ASTN2: variants seen among roughly 807,000 people sequenced by gnomAD.
ASTN2 encodes astrotactin 2.
Under a neutral mutation model 139.8 loss-of-function variants are expected in ASTN2, and 54 were observed. That is an observed-to-expected ratio of 0.39 (90% CI 0.31 to 0.48). The LOEUF (loss-of-function observed/expected upper bound fraction) is 0.48. Among genes scored for constraint, ASTN2 ranks in the 20% least tolerant of loss-of-function variants. The pLI is 0.95. For missense variants in ASTN2, 1,565 were observed against 1,725.1 expected (o/e 0.91, Z 1.64); for synonymous variants, 756 against 719.5 (o/e 1.05, Z -0.81).
At position 116,560,975 on chromosome 9, in the gene ASTN2, T is replaced by C. The variant is rs546369202; in HGVS notation, c.3355+57349A>G. Among the ~76,000 whole-genome samples the C allele has an allele frequency of 7.2e-5, 11 of 152,310 alleles. No individual in the cohort carries two copies. In the South Asian group the frequency reaches 2.3e-3, roughly 32 times the overall value. ...ACAAAGAAAAATGTACATGTGTTGT[T>C]ATGCTAGGATGGGGTAGACATAGAG... On this transcript the variant is annotated intron_variant, in intron 19 of 22. Transcript: ENST00000313400.
At chr9:117,278,476 A>T (rs1243386621) in intron 2 of ASTN2, among the ~76,000 whole-genome samples, 2 of 152,200 alleles carry the variant, frequency 1.3e-5, no homozygotes, top group African/African-American at 4.8e-5. Context: ...AGCACAAAGG[A>T]GGTGAGCAGA....
chr9:117,226,452 C>T (rs904479825), intron 2 of ASTN2, among the ~76,000 whole-genome samples: 2 of 152,092 alleles, frequency 1.3e-5, no homozygotes, highest in African/African-American at 4.8e-5. Context: ...AGTCAATGCT[C>T]AACAAAAGAT....
Position 117,017,025 on chromosome 9 carries a change from T to C in ASTN2, c.1424-8766A>G, listed in dbSNP as rs577996929. Among the ~76,000 whole-genome samples the C allele has an allele frequency of 8.6e-5, 13 of 151,850 alleles. No individual in the cohort carries two copies. The East Asian group carries it at 2.5e-3, about 30-fold the overall frequency. On this transcript the variant is annotated intron_variant, in intron 6 of 22. Transcript: ENST00000313400. ...TGCCTTTATGTATCTACGGTCTTGC[T>C]TCAAAGTTGAGTTAGGGGTGTTTGA... is the stretch of plus-strand genomic sequence containing the variant.
At chr9:117,306,875 G>A (rs1587932115) in intron 1 of ASTN2, among the ~76,000 whole-genome samples, 1 of 152,094 alleles carries the variant, frequency 6.6e-6, no homozygotes, top group Non-Finnish European at 1.5e-5. Context: ...TATCTACTAT[G>A]TGATGTGAAA....
At chr9:117,403,578 T>C (rs766707484) in intron 1 of ASTN2, among the ~76,000 whole-genome samples, 2 of 149,086 alleles carry the variant, frequency 1.3e-5, no homozygotes, top group Non-Finnish European at 3.0e-5. Context: ...ACCACTGAAA[T>C]GATTCCCCCA....
At chr9:116,924,709 C>A (rs2132441571) in intron 10 of ASTN2, among the ~76,000 whole-genome samples, 1 of 152,192 alleles carries the variant, frequency 6.6e-6, no homozygotes, top group Admixed American at 6.5e-5. Context: ...TTATAATTAG[C>A]ATATAATGAG....
At position 116,793,350 on chromosome 9, in the gene ASTN2, G is replaced by C. The variant is rs535341848; in HGVS notation, c.2396+12282C>G. Among the ~76,000 whole-genome samples the C allele has an allele frequency of 3.3e-5, 5 of 152,294 alleles. No individual in the cohort carries two copies. The South Asian group carries it at 1.0e-3, about 32-fold the overall frequency. Reference sequence around the variant, plus strand: ...CAATCATTCAACACATATTCAGCAGGAACGGGGGACACAGCAATGAACAAC... The same window carrying C: ...CAATCATTCAACACATATTCAGCAGCAACGGGGGACACAGCAATGAACAAC... On this transcript the variant is annotated intron_variant, in intron 13 of 22. Transcript: ENST00000313400.
At chr9:117,336,840 C>G (rs746225156) in intron 1 of ASTN2, among the ~76,000 whole-genome samples, 1 of 152,144 alleles carries the variant, frequency 6.6e-6, no homozygotes, top group African/African-American at 2.4e-5. Context: ...AGGTCCAGCA[C>G]TCTCCCAGAA....
At chr9:116,716,502 T>C (rs1334223740) in intron 16 of ASTN2, among the ~76,000 whole-genome samples, 3 of 152,130 alleles carry the variant, frequency 2.0e-5, no homozygotes, top group East Asian at 1.9e-4. Context: ...ATCTTTCCCA[T>C]CTGTAGAATG....
chr9:116,509,310 C>T (rs1017435517), intron 19 of ASTN2, among the ~76,000 whole-genome samples: 5 of 152,284 alleles, frequency 3.3e-5, no homozygotes, highest in African/African-American at 1.2e-4. Flanking sequence ...TTTATAGCTT[C>T]ATCCATGTCC....
At chr9:116,855,922 G>A (rs1832727321) in intron 11 of ASTN2, among the ~76,000 whole-genome samples, 1 of 152,066 alleles carries the variant, frequency 6.6e-6, no homozygotes, top group African/African-American at 2.4e-5. Flanking sequence ...ATTATTTATA[G>A]CATTTATTCA....
chr9:116,439,102 T>C (rs1847749411), intron 22 of ASTN2, among the ~76,000 whole-genome samples: 2 of 152,222 alleles, frequency 1.3e-5, no homozygotes, highest in Admixed American at 1.3e-4. Context: ...CTTTTGTTCA[T>C]TGTCTTGAAG....
At chr9:117,386,450 C>G (rs760312841) in intron 1 of ASTN2, among the ~76,000 whole-genome samples, 2 of 152,160 alleles carry the variant, frequency 1.3e-5, no homozygotes, top group Non-Finnish European at 2.9e-5. Context: ...GAACATGGTG[C>G]TCTTCTTAGC....
chr9:117,275,526 T>A (rs1487548982), intron 2 of ASTN2, among the ~76,000 whole-genome samples: 2 of 151,746 alleles, frequency 1.3e-5, no homozygotes, highest in Non-Finnish European at 2.9e-5. Flanking sequence ...CTTTCTCTGC[T>A]GTGGGTGTGC....
chr9:117,251,977 A>G (rs1335416), intron 2 of ASTN2, among the ~76,000 whole-genome samples: 149,415 of 152,334 alleles, frequency 0.98, 73,349 homozygotes, highest in Middle Eastern at 1. Flanking sequence ...TCTCATTTCT[A>G]AATATTATGC....
At chr9:117,067,664 G>C (rs1827992964) in intron 5 of ASTN2, among the ~76,000 whole-genome samples, 1 of 138,882 alleles carries the variant, frequency 7.2e-6, no homozygotes, top group Non-Finnish European at 1.6e-5. Flanking sequence ...CCATTTGTTT[G>C]TATCCTCTTT....
chr9:116,704,949 A>ATTT (rs559649408), intron 16 of ASTN2, among the ~76,000 whole-genome samples: 9 of 152,064 alleles, frequency 5.9e-5, no homozygotes, highest in Non-Finnish European at 1.2e-4. Context: ...TAGAGATGAA[A>ATTT]TTTTTTTTAA....
At chr9:116,570,432 C>T (rs918772792) in intron 19 of ASTN2, among the ~76,000 whole-genome samples, 1 of 152,020 alleles carries the variant, frequency 6.6e-6, no homozygotes, top group Non-Finnish European at 1.5e-5. Flanking sequence ...TCGGTCGCCC[C>T]GGCTCCAGGC....
intron 1 of ASTN2, among the ~76,000 whole-genome samples, chr9:117,403,523 G>A (rs1369538971): frequency 2.0e-5 from 3 of 152,086 alleles, no homozygotes; most frequent in African/African-American, 7.2e-5. Flanking sequence ...GTCTTCCTGT[G>A]CCTTCCCCCG....
Sources: gnomAD v4.1 joint callset for allele counts (sites outside exome capture counted in the v4.1 genomes callset) on GRCh38, gnomAD v4.1.1 for gene constraint, MANE v1.5 for transcripts, NCBI Gene and HGNC (gene_info 2026-07-23, HGNC 2026-07-21) for gene names.